The following TMEM161B variants were observed in gnomAD, a reference collection of about 807,000 sequenced individuals.
TMEM161B encodes the protein transmembrane protein 161B.
A neutral mutation model predicts 61.8 loss-of-function variants in TMEM161B; 34 were observed. The observed-to-expected ratio is 0.55, with a 90% CI of 0.42 to 0.73. TMEM161B has a LOEUF of 0.73. TMEM161B is among the 30% of genes least tolerant of loss of function. TMEM161B has a pLI of 0.00. For missense variants in TMEM161B, 456 were observed against 558.5 expected (o/e 0.82, Z 1.85); for synonymous variants, 167 against 192.8 (o/e 0.87, Z 1.11).
At chr5:88,250,863 C>T (rs1041505005) in intron 1 of TMEM161B, 1 of 152,174 alleles carries the variant, frequency 6.6e-6, no homozygotes, top group African/African-American at 2.4e-5. Flanking sequence ...AGATCTTGGA[C>T]AAGCCCCTAA....
At chr5:88,218,407 G>GC (rs1377785291) in intron 5 of TMEM161B, among the ~76,000 whole-genome samples, 1 of 152,040 alleles carries the variant, frequency 6.6e-6, no homozygotes, top group Non-Finnish European at 1.5e-5. Flanking sequence ...CCTAAATAAG[G>GC]CACATCATCA....
chr5:88,257,501 C>A (rs779033301), intron 1 of TMEM161B, among the ~76,000 whole-genome samples: 7 of 152,078 alleles, frequency 4.6e-5, no homozygotes, highest in African/African-American at 1.7e-4. Flanking sequence ...ACACTAGGAT[C>A]GAAGTAGTTC....
At chr5:88,210,480 C>A (rs562795301) in intron 5 of TMEM161B, among the ~76,000 whole-genome samples, 1 of 152,294 alleles carries the variant, frequency 6.6e-6, no homozygotes, top group Admixed American at 6.5e-5. Context: ...CAACTCTCCA[C>A]TCTGATTGCC....
downstream of TMEM161B, among the ~76,000 whole-genome samples, chr5:88,190,591 T>G (rs1159358541): frequency 6.6e-6 from 1 of 152,214 alleles, no homozygotes; most frequent in African/African-American, 2.4e-5. Flanking sequence ...TTTTGGAGAC[T>G]CTGAGTCAGT....
At chr5:88,225,086 G>GC (rs1307211504) in intron 4 of TMEM161B, among the ~76,000 whole-genome samples, 5 of 148,700 alleles carry the variant, frequency 3.4e-5, no homozygotes, top group South Asian at 2.1e-4. Context: ...TCCTGCCTCA[G>GC]CTCCCTGAGT....
chr5:88,253,239 C>A (rs1160359129), intron 1 of TMEM161B, among the ~76,000 whole-genome samples: 1 of 152,080 alleles, frequency 6.6e-6, no homozygotes, highest in Non-Finnish European at 1.5e-5. Context: ...GGAGGGAATA[C>A]TTAACTTATT....
chr5:88,188,173 C>T (rs1462003952), downstream of TMEM161B, among the ~76,000 whole-genome samples: 1 of 152,050 alleles, frequency 6.6e-6, no homozygotes, highest in East Asian at 1.9e-4. Flanking sequence ...GGCATGATCT[C>T]AGCTCACTGC....
At chr5:88,205,247 G>T (rs895598318) in intron 8 of TMEM161B, among the ~76,000 whole-genome samples, 7 of 152,034 alleles carry the variant, frequency 4.6e-5, no homozygotes, top group Admixed American at 4.6e-4. Flanking sequence ...AACTAAAATA[G>T]AATTTGGTAG....
At chr5:88,216,620 T>C (rs1747894574) in intron 5 of TMEM161B, among the ~76,000 whole-genome samples, 1 of 152,204 alleles carries the variant, frequency 6.6e-6, no homozygotes, top group East Asian at 1.9e-4. Context: ...GTCTAAACTA[T>C]ACCTAAATCA....
At chr5:88,192,041 C>A (rs1749002985), downstream of TMEM161B, among the ~76,000 whole-genome samples, 7 of 57,738 alleles carry the variant, frequency 1.2e-4, no homozygotes, top group East Asian at 5.8e-4. Flanking sequence ...TATAGCCACA[C>A]ATTTAATGTA....
chr5:88,224,950 A>G (rs1371086564), intron 4 of TMEM161B, among the ~76,000 whole-genome samples: 1 of 150,756 alleles, frequency 6.6e-6, no homozygotes, highest in Admixed American at 6.6e-5. Context: ...CACATAACAC[A>G]CAAAATATGT....
At chr5:88,228,158 T>A (rs1402251627) in intron 3 of TMEM161B, among the ~76,000 whole-genome samples, 1 of 152,198 alleles carries the variant, frequency 6.6e-6, no homozygotes, top group Non-Finnish European at 1.5e-5. Context: ...AGTTGTAGGA[T>A]AAAGATATGG....
chr5:88,240,746 G>C (rs182530424), intron 2 of TMEM161B, 67 bp downstream of exon 2: 5 of 1,189,376 alleles, frequency 4.2e-6, no homozygotes, highest in Non-Finnish European at 5.0e-6. Context: ...CAGTAACTAG[G>C]AATTTAATCA....
In TMEM161B at chr5:88,268,755, C is replaced by G; in HGVS notation, c.-32G>C. On this transcript the variant is annotated 5_prime_UTR_variant, in exon 1 of 12. Coordinates refer to ENST00000296595, the MANE Select transcript of TMEM161B (RefSeq NM_153354.5). Reference sequence around the variant, plus strand: ...TAGGATAGGTCGTGGACCAGACACCCTGGAGTTGCCGGGGCAGTCCCAAAC... The same window carrying G: ...TAGGATAGGTCGTGGACCAGACACCGTGGAGTTGCCGGGGCAGTCCCAAAC... 1 of 1,614,032 alleles carries G rather than the reference C, an allele frequency of 6.2e-7. No individual in the cohort carries two copies. Among genetic ancestry groups the G allele is most frequent in the Non-Finnish European group, 8.5e-7 (1 of 1,179,936 alleles).
In TMEM161B at chr5:88,247,811, A is replaced by G. The variant is rs148591783; in HGVS notation, c.4-6895T>C. Among the ~76,000 whole-genome samples, 29 of 152,224 alleles carry G rather than the reference A, an allele frequency of 1.9e-4. No homozygotes were observed. The East Asian group carries it at 5.4e-3, about 28-fold the overall frequency. On this transcript the variant is annotated intron_variant, in intron 1 of 11. Transcript: ENST00000296595. Reference sequence around the variant, plus strand: ...GTATCTGGCACCCAGACAATTTCCAACTCAATGCTTTTTTCACCGGTCTAT... The same window carrying G: ...GTATCTGGCACCCAGACAATTTCCAGCTCAATGCTTTTTTCACCGGTCTAT...
intron 11 of TMEM161B, among the ~76,000 whole-genome samples, chr5:88,197,301 T>G (rs1371273691): frequency 1.3e-5 from 2 of 152,180 alleles, no homozygotes; most frequent in East Asian, 3.8e-4. Flanking sequence ...TTCTGTAATT[T>G]ATGTAAGTTT....
chr5:88,209,313 A>G (rs1306193240), intron 5 of TMEM161B, among the ~76,000 whole-genome samples: 1 of 152,216 alleles, frequency 6.6e-6, no homozygotes. Flanking sequence ...CTCAGGTTTG[A>G]AAAACACTGC....
At chr5:88,229,322 T>C (rs1375419015) in intron 2 of TMEM161B, among the ~76,000 whole-genome samples, 1 of 152,148 alleles carries the variant, frequency 6.6e-6, no homozygotes, top group African/African-American at 2.4e-5. Flanking sequence ...TTCTCAACTC[T>C]TAAAATTCTA....
chr5:88,234,886 A>C (rs1751590355), intron 2 of TMEM161B, among the ~76,000 whole-genome samples: 1 of 152,144 alleles, frequency 6.6e-6, no homozygotes, highest in Non-Finnish European at 1.5e-5. Context: ...GCAACATAGC[A>C]AGATCCTGTC....
Sources: gnomAD v4.1 joint callset for allele counts (sites outside exome capture counted in the v4.1 genomes callset) on GRCh38, gnomAD v4.1.1 for gene constraint, MANE v1.5 for transcripts, NCBI Gene and HGNC (gene_info 2026-07-23, HGNC 2026-07-21) for gene names.